The following WNT16 variants were observed in gnomAD, a reference collection of about 807,000 sequenced individuals.
WNT16 encodes protein Wnt-16.
WNT16 carries 20 observed loss-of-function variants against 35.4 expected under a neutral mutation model. That is an observed-to-expected ratio of 0.56 (90% CI 0.40 to 0.82). WNT16 has a LOEUF of 0.82. WNT16 is among the 40% of genes least tolerant of loss of function. The pLI is 0.00. For synonymous variants in WNT16, 180 were observed against 179.2 expected (o/e 1.00, Z -0.03); for missense variants, 461 against 466.0 (o/e 0.99, Z 0.10).
intron 3 of WNT16, among the ~76,000 whole-genome samples, chr7:121,338,014 C>T (rs1174611541): frequency 6.6e-6 from 1 of 152,108 alleles, no homozygotes; most frequent in African/African-American, 2.4e-5. Context: ...GGGGAGCCAC[C>T]ATACTGTAGC....
intron 3 of WNT16, among the ~76,000 whole-genome samples, chr7:121,336,670 A>C (rs759826883): frequency 7.2e-5 from 11 of 152,122 alleles, no homozygotes; most frequent in Non-Finnish European, 1.5e-4. Context: ...GGTTTTTATT[A>C]CTCCCTCTTG....
upstream of WNT16, among the ~76,000 whole-genome samples, chr7:121,325,753 G>A (rs1793235481): frequency 6.6e-6 from 1 of 151,802 alleles, no homozygotes; most frequent in Admixed American, 6.6e-5. Flanking sequence ...AAAAAAACAG[G>A]GTCTTGGCCA....
chr7:121,332,291 C>A (rs1793363274), intron 3 of WNT16, among the ~76,000 whole-genome samples: 1 of 151,620 alleles, frequency 6.6e-6, no homozygotes, highest in Non-Finnish European at 1.5e-5. Flanking sequence ...GTGTATTATA[C>A]AAATATGTAT....
intron 3 of WNT16, among the ~76,000 whole-genome samples, chr7:121,333,345 C>T (rs1793385041): frequency 1.3e-5 from 2 of 152,056 alleles, no homozygotes; most frequent in East Asian, 1.9e-4. Context: ...GTAAATATAT[C>T]ACTGTAACAC....
chr7:121,336,570 G>A (rs1299638076), intron 3 of WNT16, among the ~76,000 whole-genome samples: 2 of 152,092 alleles, frequency 1.3e-5, no homozygotes, highest in Non-Finnish European at 2.9e-5. Flanking sequence ...TATTGTGGAC[G>A]GGGCTAAAAC....
Position 121,329,276 on chromosome 7 carries a change from GAC to G in WNT16, c.-16_-15del. 1 of 1,542,950 alleles carries G rather than the reference GAC, an allele frequency of 6.5e-7. No individual in the cohort carries two copies. Among genetic ancestry groups the G allele is most frequent in the South Asian group, 1.2e-5 (1 of 83,218 alleles). On this transcript the variant is annotated 5_prime_UTR_variant, in exon 1 of 4. Coordinates refer to ENST00000222462, the MANE Select transcript of WNT16 (RefSeq NM_057168.2). The stretch of plus-strand genomic sequence containing the variant: ...CAAAAGAGGAGCGGCTGGGCTGGGG[GAC>G]TCCATGCGGGGGCGATGGACAGGGC...
Position 121,338,927 on chromosome 7 carries a change from C to G in WNT16, c.680C>G (p.Ser227Cys), listed in dbSNP as rs766543536. 6.2e-7 allele frequency: 1 copy of G among 1,614,066 alleles called. No individual in the cohort carries two copies. Among genetic ancestry groups the G allele is most frequent in the Non-Finnish European group, 8.5e-7 (1 of 1,180,000 alleles). ...GTAGACTGCCGCTGCCACGGAGTTT[C>G]CGGCTCCTGTGCTGTGAAAACATGC... ...MSVDCRCHGV[S>C]GSCAVKTCWK... Residue 227 changes from serine to cysteine, a missense_variant, in exon 4 of 4, where the codon TCC (serine) becomes TGC (cysteine). Physicochemically the swap from Ser to Cys is moderately radical, Grantham distance 112 (BLOSUM62 -1). Transcript: ENST00000222462.
intron 3 of WNT16, among the ~76,000 whole-genome samples, chr7:121,335,109 G>A (rs745484290): frequency 1.3e-5 from 2 of 152,020 alleles, no homozygotes; most frequent in African/African-American, 2.4e-5. Flanking sequence ...ACCTCGTGTC[G>A]CAGTTTTTAT....
upstream of WNT16, among the ~76,000 whole-genome samples, chr7:121,328,276 T>C (rs1380927395): frequency 6.6e-6 from 1 of 152,154 alleles, no homozygotes. Flanking sequence ...ACATCTCTCA[T>C]GTACTCTAGA....
intron 2 of WNT16, among the ~76,000 whole-genome samples, 197 bp downstream of exon 2, chr7:121,330,014 C>T (rs1024403029): frequency 6.6e-6 from 1 of 152,242 alleles, no homozygotes; most frequent in Non-Finnish European, 1.5e-5. Context: ...AGGTGACTCC[C>T]CAGTTCCAGA....
chr7:121,332,073 G>A, intron 3 of WNT16, 109 bp downstream of exon 3: 3 of 1,283,814 alleles, frequency 2.3e-6, no homozygotes, highest in Non-Finnish European at 3.2e-6. Flanking sequence ...AACACTGGCA[G>A]CCCTCAAGTG....
At chr7:121,329,991 C>T (rs113001389) in intron 2 of WNT16, among the ~76,000 whole-genome samples, 174 bp downstream of exon 2, 2 of 152,212 alleles carry the variant, frequency 1.3e-5, no homozygotes, top group Non-Finnish European at 2.9e-5. Flanking sequence ...GGAGCAGGTG[C>T]GAGCCTGGAG....
chr7:121,326,532 G>A (rs908041953), upstream of WNT16, among the ~76,000 whole-genome samples: 15 of 152,160 alleles, frequency 9.9e-5, no homozygotes, highest in Admixed American at 2.6e-4. Context: ...ATCTGGATGC[G>A]TAGATGGTGC....
At chr7:121,333,953 A>C (rs1793394949) in intron 3 of WNT16, among the ~76,000 whole-genome samples, 1 of 151,994 alleles carries the variant, frequency 6.6e-6, no homozygotes, top group Non-Finnish European at 1.5e-5. Context: ...GTTTTATTTT[A>C]TATTGTGTGT....
chr7:121,339,133 GAAGAT>G lies in WNT16; in HGVS notation c.891_895del (p.Asp297GlufsTer43). On this transcript the variant is annotated frameshift_variant, in exon 4 of 4. Coordinates refer to ENST00000222462, the MANE Select transcript of WNT16 (RefSeq NM_057168.2). LOFTEE classifies it high-confidence loss of function. ...TAATAAGTCTCCCAACTACTGTGTAGAAGATAAGAAACTGGGAATCCCAGGGACAC... is the reference window on the plus strand; with the variant it reads ...TAATAAGTCTCCCAACTACTGTGTAGAAGAAACTGGGAATCCCAGGGACAC... The G allele has an allele frequency of 6.2e-7, 1 of 1,614,212 alleles. No individual in the cohort carries two copies. Among genetic ancestry groups the G allele is most frequent in the South Asian group, 1.1e-5 (1 of 91,080 alleles).
At chr7:121,327,174 C>T (rs922106285), upstream of WNT16, among the ~76,000 whole-genome samples, 1 of 152,108 alleles carries the variant, frequency 6.6e-6, no homozygotes, top group African/African-American at 2.4e-5. Context: ...TATCTACATC[C>T]TATCATCAAC....
intron 3 of WNT16, among the ~76,000 whole-genome samples, chr7:121,336,905 C>T (rs1793455013): frequency 6.6e-6 from 1 of 152,158 alleles, no homozygotes; most frequent in African/African-American, 2.4e-5. Context: ...GAAGGCTGAT[C>T]AGCTTAAACA....
rs764373597 is a variant in WNT16 at position 121,339,136 on chromosome 7, G to C, written c.889G>C (p.Asp297His). Residue 297 changes from aspartate to histidine, a missense_variant, in exon 4 of 4, where the codon GAT (aspartate) becomes CAT (histidine). Physicochemically the swap from Asp to His is moderately conservative, Grantham distance 81 (BLOSUM62 -1). Transcript: ENST00000222462. The stretch of plus-strand genomic sequence containing the variant: ...TAAGTCTCCCAACTACTGTGTAGAA[G>C]ATAAGAAACTGGGAATCCCAGGGAC... ...VNKSPNYCVE[D>H]KKLGIPGTQG... The C allele has an allele frequency of 2.5e-6, 4 of 1,614,100 alleles. No homozygotes were observed. Among genetic ancestry groups the C allele is most frequent in the Non-Finnish European group, 3.4e-6 (4 of 1,180,048 alleles).
chr7:121,327,030 G>A (rs539313830), upstream of WNT16, among the ~76,000 whole-genome samples: 1 of 152,268 alleles, frequency 6.6e-6, no homozygotes, highest in South Asian at 2.1e-4. Flanking sequence ...TATGTACTAG[G>A]CCCAATGGCA....
Sources: allele counts gnomAD v4.1 joint callset (sites outside exome capture counted in the v4.1 genomes callset), GRCh38; gene constraint gnomAD v4.1.1; transcripts MANE v1.5; gene names NCBI Gene and HGNC (gene_info 2026-07-23, HGNC 2026-07-21).